Variants in TP53INP1 observed in about 807,000 individuals in gnomAD.
The protein encoded by TP53INP1 is tumor protein p53-inducible nuclear protein 1.
Under a neutral mutation model 21.0 loss-of-function variants are expected in TP53INP1, and 12 were observed. The ratio of observed to expected loss-of-function variants is 0.57; its 90% confidence interval spans 0.37 to 0.93. TP53INP1 has a LOEUF of 0.93. Ranked by LOEUF, TP53INP1 falls within the 40% of genes least tolerant of loss-of-function variation. The pLI, the probability that TP53INP1 is intolerant of heterozygous loss-of-function variation, is 0.01. For missense variants in TP53INP1, 274 were observed against 294.7 expected (o/e 0.93, Z 0.51); for synonymous variants, 91 against 94.8 (o/e 0.96, Z 0.23).
At chr8:94,946,141 TA>T (rs1460888897) in intron 1 of TP53INP1, among the ~76,000 whole-genome samples, 1 of 152,084 alleles carries the variant, frequency 6.6e-6, no homozygotes, top group Non-Finnish European at 1.5e-5. Context: ...GGCTTCTTTT[TA>T]TCATAGTTAT....
In TP53INP1 at chr8:94,933,834, T is replaced by TGGG. The variant is rs572867137; in HGVS notation, c.474-3109_474-3107dup. ...TCATGCCTGTAATCCCAGCACTTTG[T>TGGG]GGGGGGGGGGGGAGGATCACGAGGT... On this transcript the variant is annotated intron_variant, in intron 3 of 3. Coordinates refer to ENST00000342697, the MANE Select transcript of TP53INP1 (RefSeq NM_033285.4). 2.9e-3 allele frequency among the ~76,000 whole-genome samples: 172 copies of TGGG among 58,938 alleles called. 8 individuals are homozygous for TGGG. The highest frequency in any genetic ancestry group is 0.014 in the East Asian group (30 of 2,174). The allele number at this position is 58,938 out of a possible 152,430, so 38.7% of individuals were successfully genotyped here. A position where few individuals can be genotyped will look rare whatever the true frequency, so the allele number is the denominator to read the frequency against.
chr8:94,930,283 T>A lies in TP53INP1; in HGVS notation c.*196A>T, dbSNP rs957217664. Reference sequence around the variant, plus strand: ...AATCTGAAAAAGTGTACAAAAAAAGTAAATGTTAAAGGCAAGGCATTATGT... The same window carrying A: ...AATCTGAAAAAGTGTACAAAAAAAGAAAATGTTAAAGGCAAGGCATTATGT... On this transcript the variant is annotated 3_prime_UTR_variant, in exon 4 of 4. Coordinates refer to ENST00000342697, the MANE Select transcript of TP53INP1 (RefSeq NM_033285.4). 3.0e-6 allele frequency: 2 copies of A among 661,614 alleles called. No homozygotes were observed. The highest frequency in any genetic ancestry group is 4.9e-6 in the Non-Finnish European group (2 of 411,488). The allele number at this position is 661,614 out of a possible 1,614,324, so 41.0% of individuals were successfully genotyped here.
At chr8:94,937,883 C>T (rs1821146405) in intron 3 of TP53INP1, among the ~76,000 whole-genome samples, 1 of 152,098 alleles carries the variant, frequency 6.6e-6, no homozygotes, top group South Asian at 2.1e-4. Flanking sequence ...GTCACCTTAC[C>T]CTATCTGAAT....
chr8:94,943,005 A>G (rs1821690337), intron 1 of TP53INP1, among the ~76,000 whole-genome samples: 1 of 152,222 alleles, frequency 6.6e-6, no homozygotes, highest in African/African-American at 2.4e-5. Flanking sequence ...ATTTAGGGAA[A>G]CAGGAATGAA....
chr8:94,946,649 A>T (rs1822018397), intron 1 of TP53INP1, among the ~76,000 whole-genome samples: 1 of 133,464 alleles, frequency 7.5e-6, no homozygotes, highest in Non-Finnish European at 1.6e-5. Flanking sequence ...GTGAGTTGTG[A>T]TCCCACCACT....
At chr8:94,944,098 G>A (rs1821787860) in intron 1 of TP53INP1, among the ~76,000 whole-genome samples, 1 of 152,234 alleles carries the variant, frequency 6.6e-6, no homozygotes, top group Non-Finnish European at 1.5e-5. Flanking sequence ...TGTGGAGGCA[G>A]ATATTGGCCC....
At chr8:94,947,180 T>C (rs940467194) in intron 1 of TP53INP1, among the ~76,000 whole-genome samples, 1 of 152,012 alleles carries the variant, frequency 6.6e-6, no homozygotes, top group Non-Finnish European at 1.5e-5. Flanking sequence ...GTTTTCCCTA[T>C]ACATGCTCTT....
At chr8:94,947,466 T>C (rs1347762321) in intron 1 of TP53INP1, among the ~76,000 whole-genome samples, 1 of 152,220 alleles carries the variant, frequency 6.6e-6, no homozygotes, top group African/African-American at 2.4e-5. Context: ...CAGATTCTAG[T>C]AATTTAAAAT....
intron 3 of TP53INP1, chr8:94,939,610 G>T (rs1057416075): frequency 1.1e-5 from 5 of 446,458 alleles, no homozygotes; most frequent in African/African-American, 1.0e-4. Flanking sequence ...GTTGCCCAGG[G>T]TGGTCTTGAA....
rs1236884727 is a variant in TP53INP1, at chr8:94,928,296, CT to C, written c.*2182del. 1 of 152,220 alleles carries C rather than the reference CT, an allele frequency of 6.6e-6. No individual in the cohort carries two copies. Among genetic ancestry groups the C allele is most frequent in the African/African-American group, 2.4e-5 (1 of 41,462 alleles). The allele number at this position is 152,220 out of a possible 1,614,324, so 9.4% of individuals were successfully genotyped here. A position where few individuals can be genotyped will look rare whatever the true frequency, so the allele number is the denominator to read the frequency against. On this transcript the variant is annotated 3_prime_UTR_variant, in exon 4 of 4. Coordinates refer to ENST00000342697, the MANE Select transcript of TP53INP1 (RefSeq NM_033285.4). ...ATCTGTTCATGTTGCCAAACAAAAT[CT>C]CATGGCTGAACTTCTGTAGCTTGTG...
At chr8:94,940,756 T>G in intron 2 of TP53INP1, 74 bp downstream of exon 2, 1 of 1,151,592 alleles carries the variant, frequency 8.7e-7, no homozygotes, top group Non-Finnish European at 1.3e-6. Flanking sequence ...ATTGGTTTCC[T>G]TATGCAAAAA....
intron 1 of TP53INP1, among the ~76,000 whole-genome samples, chr8:94,942,289 C>T (rs894787793): frequency 6.6e-6 from 1 of 152,026 alleles, no homozygotes; most frequent in Non-Finnish European, 1.5e-5. Flanking sequence ...ATCCGCCCAC[C>T]TCAGCCTCCC....
chr8:94,948,539 G>A (rs1320164), intron 1 of TP53INP1, among the ~76,000 whole-genome samples: 69,997 of 152,064 alleles, frequency 0.46, 17,086 homozygotes, highest in East Asian at 0.72. Flanking sequence ...ACAGGCGGGG[G>A]CCGGTGGCCG....
chr8:94,947,047 A>AT (rs1822081256), intron 1 of TP53INP1, among the ~76,000 whole-genome samples: 1 of 152,090 alleles, frequency 6.6e-6, no homozygotes, highest in Admixed American at 6.5e-5. Context: ...TGAAGTACTT[A>AT]TTTGTCCCAT....
chr8:94,939,706 A>G (rs540778316), intron 3 of TP53INP1, 154 bp downstream of exon 3: 42 of 1,113,326 alleles, frequency 3.8e-5, no homozygotes, highest in Non-Finnish European at 5.4e-5. Context: ...TCAACAAGTT[A>G]TCTTACGGAC....
At chr8:94,933,720 G>A (rs955272415) in intron 3 of TP53INP1, among the ~76,000 whole-genome samples, 4 of 151,070 alleles carry the variant, frequency 2.6e-5, no homozygotes, top group African/African-American at 7.3e-5. Context: ...AGCTGAGATC[G>A]CGCCACTGCA....
chr8:94,934,085 A>T (rs558946463), intron 3 of TP53INP1, among the ~76,000 whole-genome samples: 1 of 152,260 alleles, frequency 6.6e-6, no homozygotes, highest in African/African-American at 2.4e-5. Context: ...CTCAAAAAAA[A>T]AAAAAGAAGT....
At position 94,939,953 on chromosome 8, in the gene TP53INP1, G is replaced by T. The variant is rs1439122384; in HGVS notation, c.380C>A (p.Pro127His). Residue 127 changes from proline to histidine, a missense_variant, in exon 3 of 4, where the codon CCC (proline) becomes CAC (histidine). Transcript: ENST00000342697. Reference protein sequence around the residue: ...SPMENLLIEHPSMSVYAVHNS... With the variant: ...SPMENLLIEHHSMSVYAVHNS... ...ATGCACAGCATAGACAGACATGCTG[G>T]GATGTTCAATGAGAAGGTTTTCCAT... is the stretch of plus-strand genomic sequence containing the variant. 2 of 1,614,106 alleles carry T rather than the reference G, an allele frequency of 1.2e-6. No individual in the cohort carries two copies. The highest frequency in any genetic ancestry group is 1.7e-5 in the Admixed American group (1 of 60,014).
Position 94,929,967 on chromosome 8 carries a change from T to G in TP53INP1, c.*512A>C, listed in dbSNP as rs369335108. On this transcript the variant is annotated 3_prime_UTR_variant, in exon 4 of 4. Transcript: ENST00000342697. ...CTTTCAAAAGAAAGTCCAGCCATAA[T>G]TCCATTATATCCATGGCAACTATCA... The G allele has an allele frequency of 2.0e-5, 3 of 153,452 alleles. No individual in the cohort carries two copies. The highest frequency in any genetic ancestry group is 2.1e-4 in the South Asian group (1 of 4,860). The allele number at this position is 153,452 out of a possible 1,614,324, so 9.5% of individuals were successfully genotyped here. A position where few individuals can be genotyped will look rare whatever the true frequency, so the allele number is the denominator to read the frequency against.
Sources: gnomAD v4.1 joint callset for allele counts (sites outside exome capture counted in the v4.1 genomes callset) on GRCh38, gnomAD v4.1.1 for gene constraint, MANE v1.5 for transcripts, NCBI Gene and HGNC (gene_info 2026-07-23, HGNC 2026-07-21) for gene names.